PAH: variants seen among roughly 807,000 people sequenced by gnomAD.
PAH encodes phenylalanine hydroxylase, also known as phenylalanine-4-hydroxylase.
Under a neutral mutation model 62.0 loss-of-function variants are expected in PAH, and 64 were observed. That is an observed-to-expected ratio of 1.03 (90% CI 0.84 to 1.27). The LOEUF (loss-of-function observed/expected upper bound fraction) is 1.27, where lower values mean the gene tolerates loss of function less well. Ranked by LOEUF, PAH falls within the 50% of genes most tolerant of loss-of-function variation. The probability of loss-of-function intolerance (pLI) is 0.00; values close to 1 mark genes in which losing one functional copy is unlikely to be tolerated. For missense variants in PAH, 579 were observed against 542.8 expected (o/e 1.07, Z -0.66); for synonymous variants, 195 against 196.2 (o/e 0.99, Z 0.05).
At chr12:102,933,294 C>T (rs1434768105) in intron 1 of PAH, among the ~76,000 whole-genome samples, 1 of 152,074 alleles carries the variant, frequency 6.6e-6, no homozygotes, top group Non-Finnish European at 1.5e-5. Flanking sequence ...CATGTTTTTT[C>T]AAACAACAGG....
At chr12:102,877,930 A>G (rs1210075529) in intron 3 of PAH, among the ~76,000 whole-genome samples, 2 of 151,746 alleles carry the variant, frequency 1.3e-5, no homozygotes, top group African/African-American at 4.8e-5. Flanking sequence ...GGTTCAAGTG[A>G]CTCTCCTGCC....
At chr12:102,943,190 T>C (rs2136764671) in intron 1 of PAH, among the ~76,000 whole-genome samples, 1 of 152,254 alleles carries the variant, frequency 6.6e-6, no homozygotes, top group South Asian at 2.1e-4. Context: ...AAAGGTCTAA[T>C]ATTCAGATTC....
intron 5 of PAH, among the ~76,000 whole-genome samples, chr12:102,856,570 G>A (rs1875442673): frequency 6.6e-6 from 1 of 152,222 alleles, no homozygotes; most frequent in Non-Finnish European, 1.5e-5. Context: ...TAGCCTAACT[G>A]GGAGGCACCC....
chr12:102,839,801 T>C (rs1053389419), intron 12 of PAH, among the ~76,000 whole-genome samples: 27 of 152,230 alleles, frequency 1.8e-4, no homozygotes, highest in African/African-American at 5.5e-4. Flanking sequence ...TGTCTTCACA[T>C]ACCAGGTAAA....
chr12:102,913,696 T>C, intron 1 of PAH: 1 of 658,180 alleles, frequency 1.5e-6, no homozygotes, highest in Non-Finnish European at 2.8e-6. Flanking sequence ...GACATCCAAT[T>C]GTTGAAAAAG....
In PAH at chr12:102,853,339, G is replaced by A. The variant is rs118118068; in HGVS notation, c.707-389C>T. 967 of 322,296 alleles carry A rather than the reference G, an allele frequency of 3.0e-3. 3 individuals are homozygous for A. Among genetic ancestry groups the A allele is most frequent in the Non-Finnish European group, 5.1e-3 (842 of 166,008 alleles). 20.0% of individuals were successfully genotyped at this position (322,296 alleles called of 1,614,324 possible). On this transcript the variant is annotated intron_variant, in intron 6 of 12. Coordinates refer to ENST00000553106, the MANE Select transcript of PAH (RefSeq NM_000277.3). ...CTTCTCCTGCTTCTAGAGTGAAGAG[G>A]GAATTTGAACCTCATTTCCCAGAAG...
Position 102,842,311 on chromosome 12 carries a change from A to G in PAH, c.1199+1335T>C, listed in dbSNP as rs116344347. ...TAGGCTCCCAGTTTAGGAGAGAATT[A>G]AAAAAGCAGAGCCAGAAGGACTTGA... On this transcript the variant is annotated intron_variant, in intron 11 of 12. Coordinates refer to ENST00000553106, the MANE Select transcript of PAH (RefSeq NM_000277.3). Among the ~76,000 whole-genome samples the G allele has an allele frequency of 2.7e-3, 409 of 152,316 alleles. 3 individuals are homozygous for G. Among genetic ancestry groups the G allele is most frequent in the African/African-American group, 9.4e-3 (390 of 41,570 alleles).
chr12:102,949,187 A>T (rs1879634425), intron 1 of PAH, among the ~76,000 whole-genome samples: 1 of 152,146 alleles, frequency 6.6e-6, no homozygotes, highest in Non-Finnish European at 1.5e-5. Context: ...GTGCATCCTG[A>T]GGTGCCAATG....
chr12:102,847,010 C>A, intron 8 of PAH, 59 bp from the exon 9 acceptor site: 1 of 1,431,972 alleles, frequency 7.0e-7, no homozygotes, highest in Non-Finnish European at 9.9e-7. Context: ...ACAGAACCAA[C>A]CTAGTACTTG....
At chr12:102,892,210 A>G (rs1877306598) in intron 3 of PAH, among the ~76,000 whole-genome samples, 1 of 152,180 alleles carries the variant, frequency 6.6e-6, no homozygotes, top group African/African-American at 2.4e-5. Context: ...TCTCCTAGAA[A>G]GGCCATGGAG....
At chr12:102,952,316 T>A (rs768045684), upstream of PAH, among the ~76,000 whole-genome samples, 4 of 143,264 alleles carry the variant, frequency 2.8e-5, no homozygotes, top group Non-Finnish European at 6.0e-5. Flanking sequence ...TTATTGTAAG[T>A]TTTTTTTTTC....
intron 4 of PAH, chr12:102,877,146 CT>C: frequency 2.5e-6 from 1 of 402,982 alleles, no homozygotes; most frequent in South Asian, 2.1e-5. Context: ...TGACTTAAAC[CT>C]CCATAGATGT....
chr12:102,861,617 G>C (rs1336754414), intron 5 of PAH, among the ~76,000 whole-genome samples: 3 of 152,174 alleles, frequency 2.0e-5, no homozygotes, highest in Non-Finnish European at 4.4e-5. Context: ...TTAAGAAAAT[G>C]TGGCACATAT....
intron 5 of PAH, among the ~76,000 whole-genome samples, chr12:102,861,394 T>G (rs1875707902): frequency 6.6e-6 from 1 of 152,230 alleles, no homozygotes; most frequent in African/African-American, 2.4e-5. Flanking sequence ...GACTGTAAAC[T>G]GGTTCAACCA....
In PAH at chr12:102,877,567, G is replaced by T; in HGVS notation, c.353-17C>A. ...ACCAGGGCACTGAAACACAGAGAAG[G>T]CAACGTCCTGAGTACAGATTGGCAG... On this transcript the variant is annotated splice_polypyrimidine_tract_variant and intron_variant, in intron 3 of 12. Transcript: ENST00000553106. The T allele has an allele frequency of 6.3e-7, 1 of 1,593,674 alleles. No homozygotes were observed. Among genetic ancestry groups the T allele is most frequent in the Non-Finnish European group, 8.6e-7 (1 of 1,161,378 alleles).
At chr12:102,952,624 C>T (rs1593009349), upstream of PAH, among the ~76,000 whole-genome samples, 2 of 152,118 alleles carry the variant, frequency 1.3e-5, no homozygotes, top group Non-Finnish European at 2.9e-5. Flanking sequence ...AAAGACTTAG[C>T]GTTACTTCTC....
chr12:102,927,754 C>T (rs1364095219), intron 1 of PAH, among the ~76,000 whole-genome samples: 3 of 152,080 alleles, frequency 2.0e-5, no homozygotes, highest in Non-Finnish European at 2.9e-5. Flanking sequence ...TTGTATTCCT[C>T]ATTATGTAGG....
At chr12:102,876,101 A>C (rs1031617618) in intron 4 of PAH, among the ~76,000 whole-genome samples, 5 of 151,754 alleles carry the variant, frequency 3.3e-5, no homozygotes, top group African/African-American at 1.2e-4. Flanking sequence ...GTTTCTGTTG[A>C]TATATGCTTT....
intron 5 of PAH, among the ~76,000 whole-genome samples, chr12:102,858,238 C>A (rs994587924): frequency 2.0e-5 from 3 of 152,178 alleles, no homozygotes; most frequent in Admixed American, 6.5e-5. Context: ...AAGGTCACTA[C>A]ACAATGGTAA....
Sources: allele counts gnomAD v4.1 joint callset (sites outside exome capture counted in the v4.1 genomes callset), GRCh38; gene constraint gnomAD v4.1.1; transcripts MANE v1.5; gene names NCBI Gene and HGNC (gene_info 2026-07-23, HGNC 2026-07-21).